Variants in KCNN2 observed in about 807,000 individuals in gnomAD.
KCNN2 encodes potassium calcium-activated channel subfamily N member 2.
Under a neutral mutation model 55.5 loss-of-function variants are expected in KCNN2, and 24 were observed. The ratio of observed to expected loss-of-function variants is 0.43; its 90% CI spans 0.31 to 0.61. The LOEUF (loss-of-function observed/expected upper bound fraction) is 0.61, where lower values mean the gene tolerates loss of function less well. Among genes scored for constraint, KCNN2 ranks in the 20% least tolerant of loss-of-function variants. KCNN2 has a pLI of 0.08. For synonymous variants in KCNN2, 431 were observed against 336.1 expected (o/e 1.28, Z -3.09); for missense variants, 754 against 853.6 (o/e 0.88, Z 1.45).
rs891104481 is a variant in KCNN2, at chr5:114,205,822, A to G, written c.-270-15658A>G. On this transcript the variant is annotated intron_variant, in intron 1 of 10. Transcript: ENST00000512097. Reference sequence around the variant, plus strand: ...CTCTGCTGTCTTTAGCATATTAAAAACCATAAGTGATGAAATCTTTTTTAA... The same window carrying G: ...CTCTGCTGTCTTTAGCATATTAAAAGCCATAAGTGATGAAATCTTTTTTAA... 1.4e-4 allele frequency among the ~76,000 whole-genome samples: 22 copies of G among 152,304 alleles called. No homozygotes were observed. In the South Asian group the frequency reaches 2.1e-3, roughly 14 times the overall value.
chr5:114,290,301 ATT>A (rs1299448465), intron 2 of KCNN2, among the ~76,000 whole-genome samples: 1 of 152,074 alleles, frequency 6.6e-6, no homozygotes, highest in Non-Finnish European at 1.5e-5. Flanking sequence ...CAGATTCTCT[ATT>A]TATTCTCAAA....
chr5:114,351,573 A>T (rs1329205644), intron 2 of KCNN2, among the ~76,000 whole-genome samples: 1 of 151,744 alleles, frequency 6.6e-6, no homozygotes, highest in Non-Finnish European at 1.5e-5. Flanking sequence ...TGATATTAGT[A>T]GTAGATTTTT....
At chr5:114,188,999 G>A (rs1330547951) in intron 1 of KCNN2, among the ~76,000 whole-genome samples, 1 of 152,030 alleles carries the variant, frequency 6.6e-6, no homozygotes, top group African/African-American at 2.4e-5. Flanking sequence ...AAATTTTAAG[G>A]CAAGGAAAAA....
chr5:114,115,171 A>G (rs1381181613), intron 1 of KCNN2, among the ~76,000 whole-genome samples: 2 of 152,112 alleles, frequency 1.3e-5, no homozygotes, highest in Non-Finnish European at 2.9e-5. Context: ...ATTATTCCAT[A>G]TGATTGATTT....
At chr5:114,140,440 T>A (rs1252086327) in intron 1 of KCNN2, among the ~76,000 whole-genome samples, 1 of 152,176 alleles carries the variant, frequency 6.6e-6, no homozygotes, top group Non-Finnish European at 1.5e-5. Context: ...AAAAGCAATG[T>A]TTGGAAGTAG....
intron 2 of KCNN2, among the ~76,000 whole-genome samples, chr5:114,280,266 T>C (rs1210490402): frequency 1.2e-4 from 18 of 152,204 alleles, no homozygotes; most frequent in Non-Finnish European, 1.5e-5. Flanking sequence ...TTCACTCTGA[T>C]AGTAGTTCCT....
intron 3 of KCNN2, among the ~76,000 whole-genome samples, chr5:114,426,032 A>AT (rs1458763564): frequency 1.9e-4 from 29 of 150,978 alleles, no homozygotes; most frequent in African/African-American, 7.1e-4. Flanking sequence ...AAAAAAAAAA[A>AT]TTAGCTGGGC....
At chr5:114,329,345 AC>A (rs1756766290) in intron 2 of KCNN2, among the ~76,000 whole-genome samples, 1 of 152,176 alleles carries the variant, frequency 6.6e-6, no homozygotes, top group Non-Finnish European at 1.5e-5. Flanking sequence ...GGAGAGGCAG[AC>A]CCACCCTCAA....
At chr5:114,230,371 G>A (rs1338494682) in intron 2 of KCNN2, among the ~76,000 whole-genome samples, 1 of 138,278 alleles carries the variant, frequency 7.2e-6, no homozygotes, top group African/African-American at 2.7e-5. Flanking sequence ...CCATGCTGGT[G>A]CACTGCACCC....
chr5:114,364,756 G>C (rs916586603), intron 2 of KCNN2, among the ~76,000 whole-genome samples: 1 of 151,932 alleles, frequency 6.6e-6, no homozygotes. Flanking sequence ...GAATATTAAG[G>C]CTTTTAAATT....
chr5:114,307,884 A>G (rs1756315699), intron 2 of KCNN2, among the ~76,000 whole-genome samples: 1 of 152,064 alleles, frequency 6.6e-6, no homozygotes, highest in Non-Finnish European at 1.5e-5. Context: ...GACTTTGAAC[A>G]TCAGCTTAAT....
At chr5:114,478,888 C>G (rs1030186179) in intron 5 of KCNN2, among the ~76,000 whole-genome samples, 1 of 152,118 alleles carries the variant, frequency 6.6e-6, no homozygotes, top group African/African-American at 2.4e-5. Context: ...TTCAAGATCT[C>G]CTGAAGGAAG....
chr5:114,164,741 A>G lies in KCNN2; in HGVS notation c.-270-56739A>G, dbSNP rs80017420. 3.8e-3 allele frequency among the ~76,000 whole-genome samples: 580 copies of G among 152,314 alleles called. 1 individual carries two copies. Among genetic ancestry groups the G allele is most frequent in the African/African-American group, 0.013 (536 of 41,574 alleles). ...TTAAATTTAGTAATGTGACGATCCT[A>G]TAAGTTGTAGAACAACTTAGCTCCC... On this transcript the variant is annotated intron_variant, in intron 1 of 10. Coordinates refer to the KCNN2 transcript ENST00000512097.
chr5:114,410,632 T>A (rs60243331), intron 3 of KCNN2, among the ~76,000 whole-genome samples: 2,016 of 152,166 alleles, frequency 0.013, 54 homozygotes, highest in Admixed American at 0.066. Context: ...CTTTTTGACA[T>A]AGGTTTGTAA....
At chr5:114,275,997 T>G (rs1381292874) in intron 2 of KCNN2, among the ~76,000 whole-genome samples, 2 of 152,212 alleles carry the variant, frequency 1.3e-5, no homozygotes, top group African/African-American at 4.8e-5. Flanking sequence ...CATAATGCTT[T>G]AAATGTGTCC....
Position 114,425,880 on chromosome 5 carries a change from T to C in KCNN2, c.1637+21024T>C, listed in dbSNP as rs1406293288. Reference sequence around the variant, plus strand: ...TCCCCACCAGCAGCCAAAGATCCTTTTAAAAAACGTGAAAAAAGGCTGGGT... The same window carrying C: ...TCCCCACCAGCAGCCAAAGATCCTTCTAAAAAACGTGAAAAAAGGCTGGGT... On this transcript the variant is annotated intron_variant, in intron 3 of 7. Coordinates refer to ENST00000673685, the MANE Select transcript of KCNN2 (RefSeq NM_021614.4). Among the ~76,000 whole-genome samples the C allele has an allele frequency of 4.6e-5, 7 of 152,064 alleles. No homozygotes were observed. The South Asian group carries it at 1.5e-3, about 32-fold the overall frequency.
chr5:114,061,992 GA>G lies in KCNN2; in HGVS notation c.-271+5493del, dbSNP rs1264136221. Among the ~76,000 whole-genome samples the G allele has an allele frequency of 9.2e-5, 14 of 152,056 alleles. No individual in the cohort carries two copies. In the East Asian group the frequency reaches 2.7e-3, roughly 29 times the overall value. On this transcript the variant is annotated intron_variant, in intron 1 of 10. Transcript: ENST00000512097. ...AATGACTTATTTACATTTCCCCAAA[GA>G]TGACCAACTGTAATTGGTCATTTAT...
At chr5:114,132,212 A>G (rs1752085074) in intron 1 of KCNN2, among the ~76,000 whole-genome samples, 1 of 152,182 alleles carries the variant, frequency 6.6e-6, no homozygotes, top group Admixed American at 6.5e-5. Flanking sequence ...GATCATGCCT[A>G]TGTCCTGAAT....
intron 1 of KCNN2, among the ~76,000 whole-genome samples, chr5:114,100,694 A>C (rs1473588022): frequency 6.6e-6 from 1 of 152,090 alleles, no homozygotes; most frequent in African/African-American, 2.4e-5. Context: ...TGATTTCTAA[A>C]TGAAAGGAAC....
Sources: allele counts gnomAD v4.1 joint callset (sites outside exome capture counted in the v4.1 genomes callset), GRCh38; gene constraint gnomAD v4.1.1; transcripts MANE v1.5; gene names NCBI Gene and HGNC (gene_info 2026-07-23, HGNC 2026-07-21).